The following MYT1L variants were observed in gnomAD, a reference collection of about 807,000 sequenced individuals.
The protein encoded by MYT1L is myelin transcription factor 1 like, also known as myelin transcription factor 1-like protein.
A neutral mutation model predicts 126.7 loss-of-function variants in MYT1L; 12 were observed. The ratio of observed to expected loss-of-function variants is 0.09; its 90% CI spans 0.06 to 0.15. The LOEUF is 0.15. MYT1L is among the 10% of genes least tolerant of loss of function. MYT1L has a pLI of 1.00. For synonymous variants in MYT1L, 541 were observed against 604.2 expected, an observed-to-expected ratio of 0.90 and a Z score of 1.53; for missense variants, 979 against 1,585.2, an observed-to-expected ratio of 0.62 and a Z score of 6.49.
chr2:1,978,269 T>C (rs940462942), intron 8 of MYT1L, among the ~76,000 whole-genome samples: 4 of 152,244 alleles, frequency 2.6e-5, no homozygotes, highest in Non-Finnish European at 5.9e-5. Context: ...AGAATCAGTT[T>C]TGTGACCTGG....
At chr2:1,880,078 C>T (rs2047343466) in intron 18 of MYT1L, among the ~76,000 whole-genome samples, 2 of 152,154 alleles carry the variant, frequency 1.3e-5, no homozygotes, top group South Asian at 4.1e-4. Context: ...ACCTTAATTC[C>T]CTGGGAGAGT....
At chr2:1,972,365 C>A (rs1333882689) in intron 8 of MYT1L, among the ~76,000 whole-genome samples, 1 of 151,328 alleles carries the variant, frequency 6.6e-6, no homozygotes, top group Non-Finnish European at 1.5e-5. Context: ...GAAAAAAATG[C>A]AATTATTTTT....
intron 3 of MYT1L, among the ~76,000 whole-genome samples, chr2:2,148,398 C>T (rs2085216592): frequency 6.6e-6 from 1 of 152,178 alleles, no homozygotes; most frequent in Admixed American, 6.5e-5. Context: ...CTGATGCCAC[C>T]TGCTGATCTG....
At chr2:1,808,126 C>T (rs1248478477) in intron 22 of MYT1L, among the ~76,000 whole-genome samples, 2 of 152,190 alleles carry the variant, frequency 1.3e-5, no homozygotes, top group Non-Finnish European at 2.9e-5. Context: ...GTTGATTAAT[C>T]CTCTTTCCTT....
intron 2 of MYT1L, among the ~76,000 whole-genome samples, chr2:2,207,313 A>C (rs922740933): frequency 6.6e-6 from 1 of 152,148 alleles, no homozygotes; most frequent in African/African-American, 2.4e-5. Flanking sequence ...TATAATGCGC[A>C]CTTTCCTGCT....
chr2:2,157,236 T>A (rs2086879542), intron 3 of MYT1L, among the ~76,000 whole-genome samples: 1 of 152,192 alleles, frequency 6.6e-6, no homozygotes, highest in Non-Finnish European at 1.5e-5. Flanking sequence ...AATCATATAA[T>A]CTATGTGAAA....
At chr2:2,151,459 G>A (rs774900225) in intron 3 of MYT1L, among the ~76,000 whole-genome samples, 2 of 151,738 alleles carry the variant, frequency 1.3e-5, no homozygotes, top group Non-Finnish European at 2.9e-5. Flanking sequence ...GTTCACAGAC[G>A]TTAGGGGCCA....
In MYT1L at chr2:2,037,061, C is replaced by G. The variant is rs1558811306; in HGVS notation, c.-158+16917G>C. 2.0e-5 allele frequency among the ~76,000 whole-genome samples: 3 copies of G among 152,230 alleles called. No individual in the cohort carries two copies. The South Asian group carries it at 6.2e-4, about 32-fold the overall frequency. On this transcript the variant is annotated intron_variant, in intron 4 of 24. Coordinates refer to ENST00000647738, the MANE Select transcript of MYT1L (RefSeq NM_001303052.2). ...GTTCCCTCTGCCTGAAATAGTCCCC[C>G]CGCTTAGGGCTGACTCCTTTACTTT...
intron 5 of MYT1L, among the ~76,000 whole-genome samples, chr2:1,985,860 C>T (rs892753548): frequency 1.5e-4 from 23 of 152,306 alleles, no homozygotes; most frequent in Middle Eastern, 3.4e-3. Context: ...AATTCGAGCA[C>T]GGCACCAAGG....
In MYT1L at chr2:2,188,783, T is replaced by C. The variant is rs551916561; in HGVS notation, c.-420-15795A>G. 8.5e-5 allele frequency among the ~76,000 whole-genome samples: 13 copies of C among 152,316 alleles called. 1 individual carries two copies. Among genetic ancestry groups the C allele is most frequent in the South Asian group, 4.1e-4 (2 of 4,826 alleles). On this transcript the variant is annotated intron_variant, in intron 2 of 24. Transcript: ENST00000647738. ...GAAAATCAGAGAGAAGAAGCTGTCA[T>C]CTTGCTGACAAGCTGGCCAAATGCA...
intron 4 of MYT1L, among the ~76,000 whole-genome samples, chr2:2,003,919 G>C (rs1015450483): frequency 4.0e-5 from 6 of 151,404 alleles, no homozygotes; most frequent in Non-Finnish European, 7.4e-5. Flanking sequence ...CATGCCTTTC[G>C]TGCATGCCTT....
intron 10 of MYT1L, among the ~76,000 whole-genome samples, chr2:1,920,202 G>T (rs916678613): frequency 2.0e-5 from 3 of 152,154 alleles, no homozygotes; most frequent in Non-Finnish European, 4.4e-5. Flanking sequence ...TTCCTCCCAA[G>T]AGGGAAAAAG....
chr2:2,319,948 G>A (rs2096132383), intron 1 of MYT1L, among the ~76,000 whole-genome samples: 1 of 151,852 alleles, frequency 6.6e-6, no homozygotes, highest in African/African-American at 2.4e-5. Flanking sequence ...GACCTTAAGG[G>A]GTCTCGCCTT....
intron 8 of MYT1L, among the ~76,000 whole-genome samples, chr2:1,957,876 T>C (rs1007935989): frequency 6.6e-6 from 1 of 152,184 alleles, no homozygotes; most frequent in African/African-American, 2.4e-5. Context: ...TATTTATTTT[T>C]TGTTTTTGTT....
chr2:1,834,285 A>C (rs961176524), intron 21 of MYT1L, among the ~76,000 whole-genome samples: 12 of 152,338 alleles, frequency 7.9e-5, no homozygotes, highest in Admixed American at 7.2e-4. Context: ...GAAAACCACC[A>C]GGCAGTCCTG....
chr2:2,166,029 G>A (rs1357386730), intron 3 of MYT1L, among the ~76,000 whole-genome samples: 1 of 152,092 alleles, frequency 6.6e-6, no homozygotes, highest in Non-Finnish European at 1.5e-5. Flanking sequence ...TGAGAGCTAT[G>A]GGGAAAACTA....
At chr2:1,990,785 C>T (rs760307699) in intron 5 of MYT1L, among the ~76,000 whole-genome samples, 2 of 152,202 alleles carry the variant, frequency 1.3e-5, no homozygotes. Context: ...CTGGAACAGG[C>T]CCAGTCGTCT....
chr2:2,138,273 G>C (rs1397701483), intron 3 of MYT1L, among the ~76,000 whole-genome samples: 1 of 150,380 alleles, frequency 6.6e-6, no homozygotes, highest in African/African-American at 2.4e-5. Flanking sequence ...AACCATTGTG[G>C]AAGTCAGTGT....
At chr2:1,826,584 TG>T (rs2039376236) in intron 21 of MYT1L, among the ~76,000 whole-genome samples, 1 of 152,138 alleles carries the variant, frequency 6.6e-6, no homozygotes, top group South Asian at 2.1e-4. Flanking sequence ...CCCTCCCAAT[TG>T]CTTCCCGTCA....
Sources: allele counts gnomAD v4.1 joint callset (sites outside exome capture counted in the v4.1 genomes callset), GRCh38; gene constraint gnomAD v4.1.1; transcripts MANE v1.5; gene names NCBI Gene and HGNC (gene_info 2026-07-23, HGNC 2026-07-21).